The following PLPPR1 variants were observed in gnomAD, a reference collection of about 807,000 sequenced individuals.
The protein encoded by PLPPR1 is phospholipid phosphatase related 1.
PLPPR1 carries 10 observed loss-of-function variants against 33.1 expected under a neutral mutation model. The ratio of observed to expected loss-of-function variants is 0.30; its 90% CI spans 0.19 to 0.51. PLPPR1 has a LOEUF of 0.51. PLPPR1 is among the 20% of genes least tolerant of loss of function. The pLI, the probability that PLPPR1 is intolerant of heterozygous loss-of-function variation, is 0.97. For synonymous variants in PLPPR1, 151 were observed against 151.0 expected (o/e 1.00, Z 0.00); for missense variants, 304 against 408.1 (o/e 0.74, Z 2.20).
At chr9:101,031,069 A>G (rs1029585193) in intron 1 of PLPPR1, among the ~76,000 whole-genome samples, 2 of 152,198 alleles carry the variant, frequency 1.3e-5, no homozygotes, top group Non-Finnish European at 2.9e-5. Context: ...TCAAATAACT[A>G]GGGAAGTAAA....
At chr9:101,294,960 G>T (rs1251796632) in intron 4 of PLPPR1, among the ~76,000 whole-genome samples, 1 of 152,146 alleles carries the variant, frequency 6.6e-6, no homozygotes, top group Non-Finnish European at 1.5e-5. Flanking sequence ...GGGCAATTAG[G>T]CAGGAGAAGG....
chr9:101,306,461 C>T (rs1828860960), intron 4 of PLPPR1, among the ~76,000 whole-genome samples: 1 of 152,176 alleles, frequency 6.6e-6, no homozygotes, highest in South Asian at 2.1e-4. Context: ...ACTGTCTCGC[C>T]CTCCAGGTTG....
At chr9:101,276,183 T>C (rs1828188287) in intron 3 of PLPPR1, among the ~76,000 whole-genome samples, 1 of 152,214 alleles carries the variant, frequency 6.6e-6, no homozygotes, top group African/African-American at 2.4e-5. Context: ...CATTTTATAA[T>C]TCACATCTTT....
At chr9:101,221,792 A>T (rs192746516) in intron 2 of PLPPR1, among the ~76,000 whole-genome samples, 1 of 152,202 alleles carries the variant, frequency 6.6e-6, no homozygotes, top group Non-Finnish European at 1.5e-5. Flanking sequence ...TTAGAAGAAT[A>T]TATATTTACA....
At chr9:101,135,982 A>T (rs992437524) in intron 1 of PLPPR1, among the ~76,000 whole-genome samples, 1 of 152,236 alleles carries the variant, frequency 6.6e-6, no homozygotes, top group Non-Finnish European at 1.5e-5. Context: ...GGCAAAATGC[A>T]AAAGCAGATA....
intron 2 of PLPPR1, among the ~76,000 whole-genome samples, chr9:101,211,159 G>C (rs1826683584): frequency 6.6e-6 from 1 of 152,056 alleles, no homozygotes; most frequent in African/African-American, 2.4e-5. Flanking sequence ...TTTCACAAGG[G>C]GTCACCTACT....
At chr9:101,161,440 G>A (rs1464748594) in intron 1 of PLPPR1, among the ~76,000 whole-genome samples, 1 of 152,104 alleles carries the variant, frequency 6.6e-6, no homozygotes, top group Non-Finnish European at 1.5e-5. Flanking sequence ...TTTAGTGTGT[G>A]TCTCCACATA....
chr9:101,212,111 C>G (rs373010600), intron 2 of PLPPR1, among the ~76,000 whole-genome samples: 1 of 152,070 alleles, frequency 6.6e-6, no homozygotes, highest in African/African-American at 2.4e-5. Flanking sequence ...GAGATGGAGT[C>G]TCGCTCTGTC....
At chr9:101,259,792 C>T (rs1827864380) in intron 2 of PLPPR1, among the ~76,000 whole-genome samples, 1 of 152,074 alleles carries the variant, frequency 6.6e-6, no homozygotes, top group Non-Finnish European at 1.5e-5. Context: ...GAGGGGGCTT[C>T]CAGGTCACAG....
intron 7 of PLPPR1, among the ~76,000 whole-genome samples, chr9:101,321,033 G>T (rs1829140738): frequency 6.6e-6 from 1 of 152,106 alleles, no homozygotes; most frequent in Non-Finnish European, 1.5e-5. Flanking sequence ...TTTTTCCAAA[G>T]TAAATACCCC....
chr9:101,301,233 A>C (rs908986705), intron 4 of PLPPR1, among the ~76,000 whole-genome samples: 2 of 152,196 alleles, frequency 1.3e-5, no homozygotes, highest in African/African-American at 4.8e-5. Flanking sequence ...TTATTAATAC[A>C]AAGGATGAAT....
rs544172776 is a variant in PLPPR1, at chr9:101,066,571, G to C, written c.-46+37469G>C. On this transcript the variant is annotated intron_variant, in intron 1 of 7. Transcript: ENST00000374874. ...TCATTTATGTCAGTATGGACTCATG[G>C]ATGCTTATTATATACTTTAGGTTAT... Among the ~76,000 whole-genome samples the C allele has an allele frequency of 3.3e-5, 5 of 152,100 alleles. No individual in the cohort carries two copies. The South Asian group carries it at 1.0e-3, about 32-fold the overall frequency.
At chr9:101,124,148 C>T (rs991455552) in intron 1 of PLPPR1, among the ~76,000 whole-genome samples, 3 of 152,120 alleles carry the variant, frequency 2.0e-5, no homozygotes, top group Non-Finnish European at 2.9e-5. Flanking sequence ...CTTTAATTGC[C>T]GGTTGGTGAT....
chr9:101,030,280 G>A (rs1829928306), intron 1 of PLPPR1, among the ~76,000 whole-genome samples: 1 of 151,362 alleles, frequency 6.6e-6, no homozygotes, highest in African/African-American at 2.4e-5. Flanking sequence ...GACAAATAAT[G>A]GTCACTTAGG....
At chr9:101,199,039 A>G (rs1330969242) in intron 2 of PLPPR1, among the ~76,000 whole-genome samples, 1 of 152,226 alleles carries the variant, frequency 6.6e-6, no homozygotes, top group Non-Finnish European at 1.5e-5. Flanking sequence ...ACCTGGAGCC[A>G]TGGAAAGGAG....
intron 2 of PLPPR1, among the ~76,000 whole-genome samples, chr9:101,241,458 A>G (rs1827463082): frequency 6.6e-6 from 1 of 152,132 alleles, no homozygotes; most frequent in Non-Finnish European, 1.5e-5. Context: ...CTCATGTTTT[A>G]AGAAAATCTA....
At chr9:101,237,211 A>C (rs1399385483) in intron 2 of PLPPR1, among the ~76,000 whole-genome samples, 1 of 151,846 alleles carries the variant, frequency 6.6e-6, no homozygotes, top group Non-Finnish European at 1.5e-5. Context: ...ACACTTATAC[A>C]CTGTTGGTGG....
At chr9:101,055,473 T>C (rs1370991012) in intron 1 of PLPPR1, among the ~76,000 whole-genome samples, 1 of 152,248 alleles carries the variant, frequency 6.6e-6, no homozygotes, top group African/African-American at 2.4e-5. Flanking sequence ...AAAGATCGGT[T>C]AATCAATTCC....
chr9:101,155,827 C>T (rs1331388732), intron 1 of PLPPR1, among the ~76,000 whole-genome samples: 3 of 151,982 alleles, frequency 2.0e-5, no homozygotes, highest in Non-Finnish European at 4.4e-5. Flanking sequence ...CTCTAACTCC[C>T]GACCTCAAGT....
Sources: gnomAD v4.1 joint callset for allele counts (sites outside exome capture counted in the v4.1 genomes callset) on GRCh38, gnomAD v4.1.1 for gene constraint, MANE v1.5 for transcripts, NCBI Gene and HGNC (gene_info 2026-07-23, HGNC 2026-07-21) for gene names.